The following NDUFAF6 variants were observed in gnomAD, a reference collection of about 807,000 sequenced individuals.
The protein encoded by NDUFAF6 is NADH dehydrogenase (ubiquinone) complex I, assembly factor 6.
NDUFAF6 carries 45 observed loss-of-function variants against 40.8 expected under a neutral mutation model. That is an observed-to-expected ratio of 1.10 (90% confidence interval 0.87 to 1.42). The LOEUF (loss-of-function observed/expected upper bound fraction) is 1.42, where lower values mean the gene tolerates loss of function less well. Ranked by LOEUF, NDUFAF6 falls within the 40% of genes most tolerant of loss-of-function variation. The probability of loss-of-function intolerance (pLI) is 0.00; values close to 1 mark genes in which losing one functional copy is unlikely to be tolerated. For synonymous variants in NDUFAF6, 185 were observed against 155.9 expected, an observed-to-expected ratio of 1.19 and a Z score of -1.39; for missense variants, 435 against 418.5, an observed-to-expected ratio of 1.04 and a Z score of -0.34.
chr8:95,010,897 G>A (rs1827199433), intron 2 of NDUFAF6, among the ~76,000 whole-genome samples: 1 of 152,232 alleles, frequency 6.6e-6, no homozygotes, highest in Admixed American at 6.5e-5. Context: ...GGCTTGGGCA[G>A]AAGGAGCCAG....
intron 2 of NDUFAF6, among the ~76,000 whole-genome samples, chr8:95,003,788 A>G (rs1165829985): frequency 6.6e-6 from 1 of 152,162 alleles, no homozygotes; most frequent in East Asian, 1.9e-4. Flanking sequence ...TAAGTTTTTT[A>G]TTGTGGTAAA....
chr8:94,904,320 CTTTTTTTTTTTTT>C (rs57749627), intron 1 of NDUFAF6, among the ~76,000 whole-genome samples: 35 of 34,134 alleles, frequency 1.0e-3, no homozygotes, highest in South Asian at 9.4e-3. Flanking sequence ...ATTTTTTTTG[CTTTTTTTTTTTTT>C]TTTTTTTTTT....
chr8:95,035,577 G>GT lies in NDUFAF6; in HGVS notation c.420+2dup, dbSNP rs1554669910. 1.4e-6 allele frequency: 2 copies of GT among 1,399,040 alleles called. No homozygotes were observed. Among genetic ancestry groups the GT allele is most frequent in the Non-Finnish European group, 9.4e-7 (1 of 1,063,230 alleles). 86.7% of individuals were successfully genotyped at this position (1,399,040 alleles called of 1,614,324 possible). Reference sequence around the variant, plus strand: ...GCCTGTGGCCATTGAACTATGGAAGGTAAAAAAAAAAAAATACCACTTTTA... The same window carrying GT: ...GCCTGTGGCCATTGAACTATGGAAGGTTAAAAAAAAAAAAATACCACTTTTA... On this transcript the variant is annotated splice_donor_variant, in intron 3 of 8. Transcript: ENST00000396124. LOFTEE classifies it high-confidence loss of function.
rs546737771 is a variant in NDUFAF6, at chr8:95,043,245, C to T, written c.477+1619C>T. On this transcript the variant is annotated intron_variant, in intron 4 of 8. Transcript: ENST00000396124. Reference sequence around the variant, plus strand: ...GACTACAGGTGTGCGCCACCACACTCGGCTAATTTTTTTTTTTTGTATTTT... The same window carrying T: ...GACTACAGGTGTGCGCCACCACACTTGGCTAATTTTTTTTTTTTGTATTTT... Among the ~76,000 whole-genome samples, 746 of 151,132 alleles carry T rather than the reference C, an allele frequency of 4.9e-3. 3 individuals carry two copies. Among genetic ancestry groups the T allele is most frequent in the African/African-American group, 0.017 (701 of 40,808 alleles).
At chr8:95,075,194 G>A (rs541754621) in intron 9 of NDUFAF6, among the ~76,000 whole-genome samples, 28 of 152,118 alleles carry the variant, frequency 1.8e-4, no homozygotes, top group African/African-American at 6.5e-4. Flanking sequence ...TTTTTCTAGC[G>A]TGCTCTAAAA....
At chr8:94,953,601 A>G (rs576112887), upstream of NDUFAF6, among the ~76,000 whole-genome samples, 3 of 152,326 alleles carry the variant, frequency 2.0e-5, no homozygotes, top group East Asian at 5.8e-4. Flanking sequence ...ACTCACACTG[A>G]TACTTCTGGG....
At chr8:95,016,222 ATAAT>A (rs1208477261) in intron 2 of NDUFAF6, among the ~76,000 whole-genome samples, 1 of 152,244 alleles carries the variant, frequency 6.6e-6, no homozygotes, top group Non-Finnish European at 1.5e-5. Flanking sequence ...GGATGATTAT[ATAAT>A]TATTTCATGT....
chr8:95,117,796 A>G (rs537690800), downstream of NDUFAF6, among the ~76,000 whole-genome samples: 1 of 152,336 alleles, frequency 6.6e-6, no homozygotes, highest in South Asian at 2.1e-4. Context: ...AGTGGAGGCC[A>G]GATATTAAGA....
intron 2 of NDUFAF6, among the ~76,000 whole-genome samples, chr8:94,949,653 T>A (rs1822393253): frequency 6.6e-6 from 1 of 152,022 alleles, no homozygotes; most frequent in Non-Finnish European, 1.5e-5. Flanking sequence ...CGGGGCCGGC[T>A]TTCCAGGAGC....
chr8:95,007,071 G>T (rs1356903222), intron 2 of NDUFAF6, among the ~76,000 whole-genome samples: 1 of 151,154 alleles, frequency 6.6e-6, no homozygotes, highest in African/African-American at 2.4e-5. Context: ...CTTATTTCCA[G>T]GTTTCTTATA....
chr8:94,987,289 C>A (rs2340535), intron 2 of NDUFAF6, among the ~76,000 whole-genome samples: 2 of 152,310 alleles, frequency 1.3e-5, no homozygotes, highest in East Asian at 3.9e-4. Flanking sequence ...TGCCATTGGT[C>A]ACCCAACCCC....
At chr8:95,078,203 G>A (rs532015678), downstream of NDUFAF6, among the ~76,000 whole-genome samples, 2 of 152,094 alleles carry the variant, frequency 1.3e-5, no homozygotes, top group Non-Finnish European at 2.9e-5. Flanking sequence ...GGCTGGGGTC[G>A]GTCCCCTGAG....
At chr8:94,934,376 A>C (rs1820759402) in intron 1 of NDUFAF6, among the ~76,000 whole-genome samples, 1 of 151,712 alleles carries the variant, frequency 6.6e-6, no homozygotes, top group Admixed American at 6.6e-5. Context: ...AGTGACTATT[A>C]ATTATAAATT....
chr8:94,974,332 T>C (rs78252029), intron 1 of NDUFAF6, among the ~76,000 whole-genome samples: 3,825 of 152,170 alleles, frequency 0.025, 162 homozygotes, highest in African/African-American at 0.088. Context: ...AGACATGGCT[T>C]CCTGCGAGGG....
intron 7 of NDUFAF6, among the ~76,000 whole-genome samples, chr8:95,051,304 C>T (rs114121618): frequency 0.011 from 1,611 of 152,090 alleles, 31 homozygotes; most frequent in African/African-American, 0.037. Flanking sequence ...GAACTGAGAG[C>T]CAGTGTCTTG....
chr8:95,118,279 A>AT (rs1484677906), downstream of NDUFAF6, among the ~76,000 whole-genome samples: 1 of 152,186 alleles, frequency 6.6e-6, no homozygotes, highest in Non-Finnish European at 1.5e-5. Context: ...CTACCCCTGG[A>AT]TGTCCTGGAA....
downstream of NDUFAF6, among the ~76,000 whole-genome samples, chr8:95,063,246 A>G (rs912112957): frequency 6.6e-6 from 1 of 152,240 alleles, no homozygotes; most frequent in Non-Finnish European, 1.5e-5. Context: ...TTTGAATCAG[A>G]TATGAGATAG....
Position 95,040,121 on chromosome 8 carries a change from C to T in NDUFAF6, c.421-1449C>T, listed in dbSNP as rs542080304. On this transcript the variant is annotated intron_variant, in intron 3 of 8. Transcript: ENST00000396124. ...AGTTTGTTTTAATCTGGAACATTTCCGTAGCTTTTTTTAGCCCTTTATGAC... is the reference window on the plus strand; with the variant it reads ...AGTTTGTTTTAATCTGGAACATTTCTGTAGCTTTTTTTAGCCCTTTATGAC... Among the ~76,000 whole-genome samples the T allele has an allele frequency of 1.7e-4, 26 of 152,160 alleles. No individual in the cohort carries two copies. The East Asian group carries it at 2.7e-3, about 16-fold the overall frequency.
chr8:95,074,527 A>G (rs745500070), intron 9 of NDUFAF6, among the ~76,000 whole-genome samples: 1 of 113,690 alleles, frequency 8.8e-6, no homozygotes, highest in Non-Finnish European at 1.9e-5. Context: ...ATCTCCTCCA[A>G]TGTCCTATGT....
Sources: gnomAD v4.1 joint callset for allele counts (sites outside exome capture counted in the v4.1 genomes callset) on GRCh38, gnomAD v4.1.1 for gene constraint, MANE v1.5 for transcripts, NCBI Gene and HGNC (gene_info 2026-07-23, HGNC 2026-07-21) for gene names.